FRMD4A: variants seen among roughly 807,000 people sequenced by gnomAD.
FRMD4A encodes the protein FERM domain containing 4A, also known as FERM domain-containing protein 4A.
Under a neutral mutation model 129.1 loss-of-function variants are expected in FRMD4A, and 29 were observed. The ratio of observed to expected loss-of-function variants is 0.22; its 90% confidence interval spans 0.17 to 0.31. The LOEUF is 0.31. FRMD4A is among the 10% of genes least tolerant of loss of function. FRMD4A has a pLI of 1.00. For missense variants in FRMD4A, 1,272 were observed against 1,375.8 expected (o/e 0.92, Z 1.19); for synonymous variants, 634 against 571.6 (o/e 1.11, Z -1.56).
intron 2 of FRMD4A, among the ~76,000 whole-genome samples, chr10:14,064,096 A>G (rs1179572083): frequency 6.6e-6 from 1 of 152,232 alleles, no homozygotes; most frequent in Non-Finnish European, 1.5e-5. Context: ...TTTGCTGGGA[A>G]GTGCTCACCA....
rs77407849 is a variant in FRMD4A, at chr10:14,171,976, T to C, written c.45+158082A>G. ...GTCTTCTCTTCGGATAAATTAAAAA[T>C]ATCGCTGGGTAATTTCAACAACATT... On this transcript the variant is annotated intron_variant, in intron 2 of 24. Transcript: ENST00000357447. Among the ~76,000 whole-genome samples, 370 of 152,306 alleles carry C rather than the reference T, an allele frequency of 2.4e-3. 3 individuals are homozygous for C. The highest frequency in any genetic ancestry group is 0.02 in the Middle Eastern group (6 of 294).
chr10:14,043,534 C>T (rs1302978976), intron 2 of FRMD4A, among the ~76,000 whole-genome samples: 1 of 152,134 alleles, frequency 6.6e-6, no homozygotes, highest in Non-Finnish European at 1.5e-5. Flanking sequence ...TCCCTTCTCC[C>T]CTCTCCTGTC....
chr10:14,175,981 A>G (rs2131893025), intron 2 of FRMD4A, among the ~76,000 whole-genome samples: 1 of 152,334 alleles, frequency 6.6e-6, no homozygotes, highest in Non-Finnish European at 1.5e-5. Context: ...GTCCTTATAT[A>G]AAAGATTATT....
chr10:13,928,918 T>C (rs913504323), intron 2 of FRMD4A, among the ~76,000 whole-genome samples: 1 of 152,194 alleles, frequency 6.6e-6, no homozygotes, highest in Non-Finnish European at 1.5e-5. Context: ...TGAAATAATG[T>C]CACATGGAAT....
rs1473045712 is a variant in FRMD4A at position 13,646,564 on chromosome 10, C to G, written c.*474G>C. 6.6e-6 allele frequency: 1 copy of G among 152,308 alleles called. No homozygotes were observed. Among genetic ancestry groups the G allele is most frequent in the Non-Finnish European group, 1.5e-5 (1 of 68,126 alleles). The allele number at this position is 152,308 out of a possible 1,614,324, so 9.4% of individuals were successfully genotyped here. ...AGCTGAATCGTCTTTCTGGGTCACCCTGTAACTCAAGTCCCCTTTCCCGTT... is the reference window on the plus strand; with the variant it reads ...AGCTGAATCGTCTTTCTGGGTCACCGTGTAACTCAAGTCCCCTTTCCCGTT... On this transcript the variant is annotated 3_prime_UTR_variant, in exon 25 of 25. Coordinates refer to ENST00000357447, the MANE Select transcript of FRMD4A (RefSeq NM_018027.5).
rs1395874639 is a variant in FRMD4A, at chr10:13,657,174, C to T, written c.2415G>A (p.Ala805=). ...SASSGSMPNL[A]ARGGAGGAGG... ...CCGCGCCCCCCGCACCCCCGCGCGC[C>T]GCCAGGTTGGGCATGCTGCCCGAGC... is the stretch of plus-strand genomic sequence containing the variant. Residue 805 remains alanine (A), a synonymous_variant, in exon 22 of 25, where the codon GCG becomes GCA. Transcript: ENST00000357447. 7 of 1,497,612 alleles carry T rather than the reference C, an allele frequency of 4.7e-6. No individual in the cohort carries two copies. The Admixed American group carries it at 6.4e-5, about 14-fold the overall frequency. The allele number at this position is 1,497,612 out of a possible 1,614,324, so 92.8% of individuals were successfully genotyped here.
At chr10:14,256,653 C>T (rs903766310) in intron 2 of FRMD4A, among the ~76,000 whole-genome samples, 6 of 151,996 alleles carry the variant, frequency 3.9e-5, no homozygotes, top group African/African-American at 7.2e-5. Context: ...CAAAAAAGTG[C>T]ATGAGAGAAA....
At chr10:13,732,547 G>T (rs766682431) in intron 12 of FRMD4A, among the ~76,000 whole-genome samples, 1 of 152,210 alleles carries the variant, frequency 6.6e-6, no homozygotes, top group Non-Finnish European at 1.5e-5. Flanking sequence ...TGACAGAGCC[G>T]CTGTAACTGG....
chr10:13,729,039 T>A (rs571831173), intron 12 of FRMD4A, among the ~76,000 whole-genome samples: 1 of 152,336 alleles, frequency 6.6e-6, no homozygotes, highest in African/African-American at 2.4e-5. Context: ...TATTTTTAAG[T>A]AGCAGATTCT....
intron 3 of FRMD4A, among the ~76,000 whole-genome samples, chr10:13,857,436 A>T (rs1221895432): frequency 2.0e-5 from 3 of 152,216 alleles, no homozygotes; most frequent in African/African-American, 7.2e-5. Context: ...AAATGCTGGA[A>T]AGAAATCCAC....
intron 12 of FRMD4A, among the ~76,000 whole-genome samples, chr10:13,722,221 A>G (rs1222228774): frequency 1.1e-4 from 16 of 145,488 alleles, no homozygotes; most frequent in African/African-American, 3.8e-4. Context: ...TCCACTGGCC[A>G]GGGCTCTTTT....
In FRMD4A at chr10:13,884,190, A is replaced by ACTCACACG. The variant is rs1564971460; in HGVS notation, c.46-25279_46-25278insCGTGTGAG. ...CACTCACACACTCACACACACACAC[A>ACTCACACG]CACACTCACACACACACTCACACAC... is the stretch of plus-strand genomic sequence containing the variant. On this transcript the variant is annotated intron_variant, in intron 2 of 24. Transcript: ENST00000357447. Among the ~76,000 whole-genome samples the ACTCACACG allele has an allele frequency of 1.6e-4, 14 of 88,776 alleles. No homozygotes were observed. In the South Asian group the frequency reaches 6.4e-3, roughly 41 times the overall value. 58.2% of individuals were successfully genotyped at this position (88,776 alleles called of 152,430 possible).
At chr10:13,810,335 A>C (rs1019654744) in intron 4 of FRMD4A, among the ~76,000 whole-genome samples, 1 of 152,236 alleles carries the variant, frequency 6.6e-6, no homozygotes, top group Admixed American at 6.5e-5. Context: ...TCTTCTCATC[A>C]GATCAGTGAT....
chr10:14,106,910 C>G (rs1213938562), intron 2 of FRMD4A, among the ~76,000 whole-genome samples: 1 of 152,118 alleles, frequency 6.6e-6, no homozygotes, highest in Non-Finnish European at 1.5e-5. Flanking sequence ...GTATGTTTAT[C>G]ACAGCACTAT....
intron 2 of FRMD4A, among the ~76,000 whole-genome samples, chr10:14,090,957 C>T (rs540198389): frequency 1.3e-5 from 2 of 152,024 alleles, no homozygotes; most frequent in East Asian, 1.9e-4. Flanking sequence ...CATAGGCACA[C>T]ACCACCACGC....
At chr10:14,104,066 C>G (rs1470488903) in intron 2 of FRMD4A, among the ~76,000 whole-genome samples, 1 of 152,202 alleles carries the variant, frequency 6.6e-6, no homozygotes, top group Admixed American at 6.5e-5. Context: ...ATTTTCCCCC[C>G]ATGTTTTATG....
intron 2 of FRMD4A, among the ~76,000 whole-genome samples, chr10:13,982,327 TA>T (rs796613576): frequency 1.2e-4 from 18 of 151,338 alleles, no homozygotes; most frequent in African/African-American, 4.4e-4. Context: ...CTGCAAAAAA[TA>T]AAAAATTAGC....
intron 2 of FRMD4A, among the ~76,000 whole-genome samples, chr10:14,033,926 A>G (rs1833378895): frequency 6.6e-6 from 1 of 152,222 alleles, no homozygotes; most frequent in Admixed American, 6.5e-5. Flanking sequence ...AGCCCTAAAA[A>G]AGAATAAAAT....
chr10:14,180,670 T>C (rs1244286021), intron 2 of FRMD4A, among the ~76,000 whole-genome samples: 2 of 152,196 alleles, frequency 1.3e-5, no homozygotes, highest in Non-Finnish European at 2.9e-5. Flanking sequence ...ATGGATACGA[T>C]TCCTAATCCA....
Sources: gnomAD v4.1 joint callset for allele counts (sites outside exome capture counted in the v4.1 genomes callset) on GRCh38, gnomAD v4.1.1 for gene constraint, MANE v1.5 for transcripts, NCBI Gene and HGNC (gene_info 2026-07-23, HGNC 2026-07-21) for gene names.